The following CSMD1 variants were observed in gnomAD, a reference collection of about 807,000 sequenced individuals.
CSMD1 encodes CUB and sushi domain-containing protein 1.
CSMD1 carries 213 observed loss-of-function variants against 417.5 expected under a neutral mutation model. That is an observed-to-expected ratio of 0.51 (90% CI 0.46 to 0.57). The LOEUF (loss-of-function observed/expected upper bound fraction) is 0.57, where lower values mean the gene tolerates loss of function less well. CSMD1 is among the 20% of genes least tolerant of loss of function. The pLI, the probability that CSMD1 is intolerant of heterozygous loss-of-function variation, is 0.00. For synonymous variants in CSMD1, 2,862 were observed against 1,736.8 expected (o/e 1.65, Z -16.11); for missense variants, 6,923 against 4,529.7 (o/e 1.53, Z -15.17).
rs1490795786 is a variant in CSMD1, at chr8:3,796,420, A to G, written c.819-42378T>C. Reference sequence around the variant, plus strand: ...GTATAGATATAGATATATATCTATCATGTATAGATATATATATCTATCGTG... The same window carrying G: ...GTATAGATATAGATATATATCTATCGTGTATAGATATATATATCTATCGTG... On this transcript the variant is annotated intron_variant, in intron 5 of 69. Coordinates refer to ENST00000635120, the MANE Select transcript of CSMD1 (RefSeq NM_033225.6). 8.8e-5 allele frequency among the ~76,000 whole-genome samples: 10 copies of G among 113,078 alleles called. 3 individuals carry two copies. The highest frequency in any genetic ancestry group is 6.1e-4 in the South Asian group (2 of 3,286). 74.2% of individuals were successfully genotyped at this position (113,078 alleles called of 152,430 possible). A position where few individuals can be genotyped will look rare whatever the true frequency, so the allele number is the denominator to read the frequency against.
Position 3,884,968 on chromosome 8 carries a change from G to A in CSMD1, c.818+112935C>T, listed in dbSNP as rs146575713. Among the ~76,000 whole-genome samples the A allele has an allele frequency of 8.6e-3, 1,273 of 148,080 alleles. 16 individuals carry two copies. The highest frequency in any genetic ancestry group is 0.03 in the African/African-American group (1,214 of 39,820). On this transcript the variant is annotated intron_variant, in intron 5 of 69. Coordinates refer to ENST00000635120, the MANE Select transcript of CSMD1 (RefSeq NM_033225.6). The stretch of plus-strand genomic sequence containing the variant: ...ATACACACACACACACATTCAGAAG[G>A]CATCATTCATATATATATATATGCA...
At chr8:3,566,288 G>A (rs780147617) in intron 10 of CSMD1, among the ~76,000 whole-genome samples, 1 of 152,084 alleles carries the variant, frequency 6.6e-6, no homozygotes, top group Non-Finnish European at 1.5e-5. Context: ...GAAGGTGGAG[G>A]ACTTAGTATT....
intron 8 of CSMD1, among the ~76,000 whole-genome samples, chr8:3,615,759 T>G (rs1052084780): frequency 6.6e-6 from 1 of 152,196 alleles, no homozygotes; most frequent in Non-Finnish European, 1.5e-5. Context: ...AACCTTTTTT[T>G]GGATTTTTTT....
intron 3 of CSMD1, among the ~76,000 whole-genome samples, chr8:4,200,165 C>T (rs550467179): frequency 1.2e-3 from 177 of 152,196 alleles, no homozygotes; most frequent in Admixed American, 2.6e-3. Context: ...ATTGCAAAAG[C>T]TCCTTTTTAA....
intron 5 of CSMD1, among the ~76,000 whole-genome samples, chr8:3,976,545 G>A (rs545223047): frequency 2.0e-5 from 3 of 152,298 alleles, no homozygotes; most frequent in Admixed American, 6.5e-5. Context: ...AAGAGCCTGT[G>A]AAACAGAGTG....
At chr8:3,191,767 A>G (rs1286783642) in intron 33 of CSMD1, among the ~76,000 whole-genome samples, 1 of 152,210 alleles carries the variant, frequency 6.6e-6, no homozygotes, top group Non-Finnish European at 1.5e-5. Context: ...CCATCACACT[A>G]GGCAAACTCT....
intron 3 of CSMD1, among the ~76,000 whole-genome samples, chr8:4,242,870 G>C (rs912906900): frequency 6.6e-6 from 1 of 152,154 alleles, no homozygotes; most frequent in Non-Finnish European, 1.5e-5. Flanking sequence ...TAAAGCATCA[G>C]GATGAAATAT....
At chr8:4,805,184 A>G (rs571069640) in intron 1 of CSMD1, among the ~76,000 whole-genome samples, 15 of 152,354 alleles carry the variant, frequency 9.8e-5, no homozygotes, top group Non-Finnish European at 1.8e-4. Context: ...TCGTTTGTAT[A>G]GAGAGATAAT....
rs192021785 is a variant in CSMD1, at chr8:4,365,413, C to G, written c.415+54540G>C. ...TGTTCTTTTTAAATGTTAATTTTGC[C>G]TAACCTCTGGGGAAAAATAAAAGAC... On this transcript the variant is annotated intron_variant, in intron 3 of 69. Coordinates refer to ENST00000635120, the MANE Select transcript of CSMD1 (RefSeq NM_033225.6). Among the ~76,000 whole-genome samples the G allele has an allele frequency of 4.6e-5, 7 of 152,186 alleles. No individual in the cohort carries two copies. The East Asian group carries it at 5.8e-4, about 13-fold the overall frequency.
At chr8:4,829,910 G>T (rs4487802) in intron 1 of CSMD1, among the ~76,000 whole-genome samples, 1 of 152,078 alleles carries the variant, frequency 6.6e-6, no homozygotes, top group Non-Finnish European at 1.5e-5. Context: ...TAATGCCACC[G>T]TTGCCCTGTT....
chr8:3,891,093 G>C (rs1205941994), intron 5 of CSMD1, among the ~76,000 whole-genome samples: 1 of 151,690 alleles, frequency 6.6e-6, no homozygotes, highest in African/African-American at 2.4e-5. Flanking sequence ...CTGTCATCCA[G>C]GCTGGAGTGT....
intron 33 of CSMD1, among the ~76,000 whole-genome samples, chr8:3,192,432 G>C (rs138129355): frequency 6.6e-6 from 1 of 152,144 alleles, no homozygotes; most frequent in Non-Finnish European, 1.5e-5. Flanking sequence ...CACATAGTCT[G>C]ATACACCTTC....
chr8:4,047,736 A>G (rs1430724367), intron 3 of CSMD1, among the ~76,000 whole-genome samples: 2 of 152,162 alleles, frequency 1.3e-5, no homozygotes, highest in African/African-American at 2.4e-5. Context: ...ATGGAGAAAA[A>G]TAAATCAAGA....
chr8:2,942,755 T>G (rs1343290375), intron 68 of CSMD1, among the ~76,000 whole-genome samples, 151 bp from the exon 69 acceptor site: 1 of 152,190 alleles, frequency 6.6e-6, no homozygotes, highest in East Asian at 1.9e-4. Context: ...TTCTAAAGAT[T>G]TTTAATATCC....
intron 3 of CSMD1, among the ~76,000 whole-genome samples, chr8:4,396,520 A>C (rs1298784801): frequency 6.6e-6 from 1 of 152,122 alleles, no homozygotes; most frequent in Non-Finnish European, 1.5e-5. Flanking sequence ...AAGCATACGA[A>C]GAAGATACTT....
chr8:3,008,683 G>C (rs760469508), intron 52 of CSMD1, among the ~76,000 whole-genome samples: 5 of 152,184 alleles, frequency 3.3e-5, no homozygotes, highest in African/African-American at 4.8e-5. Context: ...CTGTGTTTTA[G>C]AGGAGGAATC....
chr8:4,947,190 T>A (rs183292034), intron 1 of CSMD1, among the ~76,000 whole-genome samples: 113 of 152,290 alleles, frequency 7.4e-4, no homozygotes, highest in African/African-American at 2.6e-3. Flanking sequence ...GTTAACAGAA[T>A]ACATTCACTG....
chr8:4,778,786 A>G (rs1033981720), intron 1 of CSMD1, among the ~76,000 whole-genome samples: 1 of 152,244 alleles, frequency 6.6e-6, no homozygotes, highest in Non-Finnish European at 1.5e-5. Context: ...AACATAACAT[A>G]CACTTCATTA....
intron 6 of CSMD1, among the ~76,000 whole-genome samples, chr8:3,719,419 C>G (rs190729017): frequency 6.6e-6 from 1 of 152,262 alleles, no homozygotes; most frequent in East Asian, 1.9e-4. Context: ...AGTCTAGTTT[C>G]TCATTCTTTT....
Sources: gnomAD v4.1 joint callset for allele counts (sites outside exome capture counted in the v4.1 genomes callset) on GRCh38, gnomAD v4.1.1 for gene constraint, MANE v1.5 for transcripts, NCBI Gene and HGNC (gene_info 2026-07-23, HGNC 2026-07-21) for gene names.